Variants in COMMD10 observed in about 807,000 individuals in gnomAD.
COMMD10 encodes the protein COMM domain-containing protein 10.
In COMMD10, 33 loss-of-function variants were observed where a neutral mutation model predicts 28.9. The ratio of observed to expected loss-of-function variants is 1.14; its 90% confidence interval spans 0.87 to 1.53. The LOEUF is 1.53. Ranked by LOEUF, COMMD10 falls within the 40% of genes most tolerant of loss-of-function variation. The pLI is 0.00. For synonymous variants in COMMD10, 110 were observed against 81.7 expected (o/e 1.35, Z -1.87); for missense variants, 310 against 233.4 (o/e 1.33, Z -2.14).
rs953150331 is a variant in COMMD10 at position 116,237,186 on chromosome 5, G to A, written c.511-54331G>A. Among the ~76,000 whole-genome samples, 42 of 152,044 alleles carry A rather than the reference G, an allele frequency of 2.8e-4. 1 individual carries two copies. Among genetic ancestry groups the A allele is most frequent in the African/African-American group, 9.7e-4 (40 of 41,408 alleles). Reference sequence around the variant, plus strand: ...CTCTGATATGTTTGATGAACAGCAAGCAGGTTAATGTGGCTCAAGTGAATT... The same window carrying A: ...CTCTGATATGTTTGATGAACAGCAAACAGGTTAATGTGGCTCAAGTGAATT... On this transcript the variant is annotated intron_variant, in intron 5 of 6. Transcript: ENST00000274458.
intron 5 of COMMD10, among the ~76,000 whole-genome samples, chr5:116,270,419 A>G (rs1313006941): frequency 1.3e-5 from 2 of 151,904 alleles, no homozygotes; most frequent in Non-Finnish European, 2.9e-5. Flanking sequence ...TTGGTTGTGG[A>G]GAAGATATTG....
intron 5 of COMMD10, among the ~76,000 whole-genome samples, chr5:116,135,037 G>C (rs936252288): frequency 1.3e-5 from 2 of 152,096 alleles, no homozygotes; most frequent in Non-Finnish European, 2.9e-5. Flanking sequence ...GCGGCATATA[G>C]GGAAATATAT....
chr5:116,273,574 A>G (rs1750814488), intron 5 of COMMD10, among the ~76,000 whole-genome samples: 1 of 151,918 alleles, frequency 6.6e-6, no homozygotes, highest in African/African-American at 2.4e-5. Flanking sequence ...ATTAATATTA[A>G]TGACTAGACT....
intron 5 of COMMD10, among the ~76,000 whole-genome samples, chr5:116,136,735 GTGTT>G (rs767300294): frequency 2.8e-4 from 42 of 152,086 alleles, no homozygotes; most frequent in Admixed American, 1.6e-3. Context: ...ATGTTTTTCT[GTGTT>G]TGTATTTTGA....
chr5:116,227,871 C>T (rs1749436516), intron 5 of COMMD10, among the ~76,000 whole-genome samples: 1 of 152,082 alleles, frequency 6.6e-6, no homozygotes, highest in Non-Finnish European at 1.5e-5. Context: ...GGGAACCAGA[C>T]ATCGTGTCTA....
At chr5:116,258,424 AC>A (rs1750349876) in intron 5 of COMMD10, among the ~76,000 whole-genome samples, 1 of 150,788 alleles carries the variant, frequency 6.6e-6, no homozygotes, top group Admixed American at 6.6e-5. Flanking sequence ...ATTGGACACC[AC>A]CACATCTTTT....
chr5:116,146,828 T>G (rs954628459), intron 5 of COMMD10, among the ~76,000 whole-genome samples: 9 of 151,870 alleles, frequency 5.9e-5, no homozygotes, highest in Non-Finnish European at 1.2e-4. Context: ...TTTGGCTGTT[T>G]TGATGGTATT....
chr5:116,126,655 A>G (rs1220137638), intron 4 of COMMD10, among the ~76,000 whole-genome samples: 17 of 151,958 alleles, frequency 1.1e-4, no homozygotes, highest in Admixed American at 1.1e-3. Context: ...GACAAACCTG[A>G]CAAAAACAAG....
chr5:116,274,169 C>T (rs1264143046), intron 5 of COMMD10, among the ~76,000 whole-genome samples: 2 of 151,922 alleles, frequency 1.3e-5, no homozygotes, highest in Non-Finnish European at 2.9e-5. Context: ...CAGATTTATA[C>T]TTCTACTTAT....
chr5:116,184,146 A>G lies in COMMD10; in HGVS notation c.510+49968A>G, dbSNP rs113283381. Among the ~76,000 whole-genome samples the G allele has an allele frequency of 2.0e-3, 310 of 152,182 alleles. 4 individuals carry two copies. Among genetic ancestry groups the G allele is most frequent in the African/African-American group, 7.0e-3 (292 of 41,562 alleles). On this transcript the variant is annotated intron_variant, in intron 5 of 6. Coordinates refer to ENST00000274458, the MANE Select transcript of COMMD10 (RefSeq NM_016144.4). Reference sequence around the variant, plus strand: ...ATCTCACATTGTTTCTGGAAGACCAATAGATGTATTTATTACCATAATAAC... The same window carrying G: ...ATCTCACATTGTTTCTGGAAGACCAGTAGATGTATTTATTACCATAATAAC...
Position 116,267,079 on chromosome 5 carries a change from A to G in COMMD10, c.511-24438A>G, listed in dbSNP as rs540517563. On this transcript the variant is annotated intron_variant, in intron 5 of 6. Transcript: ENST00000274458. ...TCTCACCACTCCTATTCAACATAGT[A>G]TTGGAAATTCTGGCCAGGGCAATCA... is the stretch of plus-strand genomic sequence containing the variant. Among the ~76,000 whole-genome samples the G allele has an allele frequency of 1.9e-3, 285 of 151,928 alleles. 4 individuals carry two copies. Among genetic ancestry groups the G allele is most frequent in the South Asian group, 3.5e-3 (17 of 4,828 alleles).
At chr5:116,219,972 C>CT (rs1454427177) in intron 5 of COMMD10, among the ~76,000 whole-genome samples, 1 of 151,548 alleles carries the variant, frequency 6.6e-6, no homozygotes, top group Non-Finnish European at 1.5e-5. Context: ...TCTACTTTTT[C>CT]TTTTTTATAC....
At chr5:116,192,196 C>T (rs1355209244) in intron 5 of COMMD10, among the ~76,000 whole-genome samples, 1 of 152,006 alleles carries the variant, frequency 6.6e-6, no homozygotes, top group Non-Finnish European at 1.5e-5. Flanking sequence ...TCTGACAGAG[C>T]CTACCTAAAT....
chr5:116,204,762 A>G (rs1311795738), intron 5 of COMMD10, among the ~76,000 whole-genome samples: 6 of 152,184 alleles, frequency 3.9e-5, no homozygotes, highest in South Asian at 4.1e-4. Context: ...TGATCTTGCA[A>G]TGAATGTCTG....
At chr5:116,186,958 G>C (rs1748157839) in intron 5 of COMMD10, among the ~76,000 whole-genome samples, 1 of 152,058 alleles carries the variant, frequency 6.6e-6, no homozygotes, top group Non-Finnish European at 1.5e-5. Context: ...AAAATAACTA[G>C]AAATATGTAA....
At chr5:116,114,051 G>A (rs1751149542) in intron 4 of COMMD10, among the ~76,000 whole-genome samples, 1 of 152,108 alleles carries the variant, frequency 6.6e-6, no homozygotes, top group Non-Finnish European at 1.5e-5. Flanking sequence ...TATAAATATT[G>A]TTATTGGTAT....
chr5:116,154,702 A>G (rs367721545), intron 5 of COMMD10, among the ~76,000 whole-genome samples: 1 of 152,004 alleles, frequency 6.6e-6, no homozygotes, highest in African/African-American at 2.4e-5. Flanking sequence ...CTTAATCCTC[A>G]TCTCTGCCAG....
At chr5:116,168,802 C>G (rs1013819056) in intron 5 of COMMD10, among the ~76,000 whole-genome samples, 1 of 152,116 alleles carries the variant, frequency 6.6e-6, no homozygotes, top group Admixed American at 6.6e-5. Context: ...ACACAATGTA[C>G]CAGAATCTCT....
intron 5 of COMMD10, among the ~76,000 whole-genome samples, chr5:116,274,832 T>A (rs568166814): frequency 6.6e-6 from 1 of 151,902 alleles, no homozygotes; most frequent in South Asian, 2.1e-4. Context: ...CTTGACACAT[T>A]TGCCTTAAGC....
Sources: gnomAD v4.1 joint callset for allele counts (sites outside exome capture counted in the v4.1 genomes callset) on GRCh38, gnomAD v4.1.1 for gene constraint, MANE v1.5 for transcripts, NCBI Gene and HGNC (gene_info 2026-07-23, HGNC 2026-07-21) for gene names.